The following BIN1 variants were observed in gnomAD, a reference collection of about 807,000 sequenced individuals.
BIN1 encodes bridging integrator 1.
BIN1 carries 53 observed loss-of-function variants against 82.0 expected under a neutral mutation model. That is an observed-to-expected ratio of 0.65 (90% CI 0.52 to 0.81). BIN1 has a LOEUF of 0.81. Ranked by LOEUF, BIN1 falls within the 40% of genes least tolerant of loss-of-function variation. The pLI is 0.00. For missense variants in BIN1, 642 were observed against 784.4 expected, an observed-to-expected ratio of 0.82 and a Z score of 2.17; for synonymous variants, 302 against 328.0, an observed-to-expected ratio of 0.92 and a Z score of 0.86.
rs539408064 is a variant in BIN1 at position 127,057,250 on chromosome 2, T to C, written c.1131+223A>G. On this transcript the variant is annotated intron_variant, in intron 12 of 18. Transcript: ENST00000316724. The surrounding 1 kb of genome is among the most constrained non-coding windows in gnomAD (Gnocchi z 5.0). ...TGCTGCGCCGGGAGAGGCGGCACCT[T>C]CCCCTCTGTGGCCCTGCATCTGGCC... is the stretch of plus-strand genomic sequence containing the variant. Among the ~76,000 whole-genome samples, 1 of 152,288 alleles carries C rather than the reference T, an allele frequency of 6.6e-6. No individual in the cohort carries two copies. Among genetic ancestry groups the C allele is most frequent in the East Asian group, 1.9e-4 (1 of 5,172 alleles).
At chr2:127,054,403 T>C in intron 12 of BIN1, 1 of 295,214 alleles carries the variant, frequency 3.4e-6, no homozygotes, top group Non-Finnish European at 6.6e-6. Flanking sequence ...CCGAACCTCC[T>C]CTCCGCTCCC....
At chr2:127,053,282 G>A in intron 14 of BIN1, 140 bp downstream of exon 14, 1 of 1,265,048 alleles carries the variant, frequency 7.9e-7, no homozygotes, top group Non-Finnish European at 1.1e-6. Context: ...CCCTGTGCGT[G>A]AGCACGTGCC....
At position 127,059,120 on chromosome 2, in the gene BIN1, G is replaced by A. The variant is rs754707833; in HGVS notation, c.893C>T (p.Ser298Leu). 3.0e-5 allele frequency: 47 copies of A among 1,592,320 alleles called. No homozygotes were observed. Among genetic ancestry groups the A allele is most frequent in the Middle Eastern group, 1.6e-4 (1 of 6,066 alleles). ...GGCGGCAGGGGAGCCATCTGGAGGCGAAGGGCTCTTGTTCCCTTTTGCAGG... is the reference window on the plus strand; with the variant it reads ...GGCGGCAGGGGAGCCATCTGGAGGCAAAGGGCTCTTGTTCCCTTTTGCAGG... ...NAPAKGNKSP[S>L]PPDGSPAATP... is the part of the protein sequence containing the mutation. The change falls in exon 11 of 19, where the codon TCG becomes TTG. Residue 298 changes from serine to leucine, a missense_variant. Transcript: ENST00000316724. The surrounding 1 kb of genome is among the most constrained non-coding windows in gnomAD (Gnocchi z 6.7).
chr2:127,096,213 T>G (rs1007345974), intron 1 of BIN1, among the ~76,000 whole-genome samples: 1 of 152,176 alleles, frequency 6.6e-6, no homozygotes, highest in Non-Finnish European at 1.5e-5. Flanking sequence ...AGCTGACTTC[T>G]GTCCTGGGAA....
rs1295753728 is a variant in BIN1 at position 127,068,525 on chromosome 2, C to T, written c.520-270G>A. On this transcript the variant is annotated intron_variant, in intron 6 of 18. Coordinates refer to ENST00000316724, the MANE Select transcript of BIN1 (RefSeq NM_139343.3). This position sits in a 1 kb window ranked among gnomAD's most constrained non-coding sequence, Gnocchi z 4.9. ...CCCTGCCCGGAGGACGGGGCCACCC[C>T]AGCCCCTCACCAAAGGATGAGTGGG... 6.6e-6 allele frequency among the ~76,000 whole-genome samples: 1 copy of T among 152,178 alleles called. No individual in the cohort carries two copies. The highest frequency in any genetic ancestry group is 1.5e-5 in the Non-Finnish European group (1 of 68,016).
intron 1 of BIN1, among the ~76,000 whole-genome samples, chr2:127,086,100 G>A (rs571501173): frequency 4.6e-5 from 7 of 152,152 alleles, no homozygotes; most frequent in East Asian, 1.9e-4. Flanking sequence ...ACCCCCTCCC[G>A]TTGGGTTCAT....
At chr2:127,069,399 C>T (rs1685568518) in intron 5 of BIN1, among the ~76,000 whole-genome samples, 1 of 152,152 alleles carries the variant, frequency 6.6e-6, no homozygotes, top group South Asian at 2.1e-4. Context: ...GAGCATGACA[C>T]CCCCATCCTG....
chr2:127,096,792 C>T (rs1679657520), intron 1 of BIN1, among the ~76,000 whole-genome samples: 2 of 152,238 alleles, frequency 1.3e-5, no homozygotes, highest in African/African-American at 4.8e-5. Flanking sequence ...CTCTCTGTGC[C>T]AGAAGGGCCC....
chr2:127,092,497 G>A (rs939581818), intron 1 of BIN1, among the ~76,000 whole-genome samples: 31 of 152,304 alleles, frequency 2.0e-4, no homozygotes, highest in South Asian at 1.0e-3. Flanking sequence ...TGGCTGCCCC[G>A]TGTGGGAGGC....
chr2:127,048,653 G>C lies in BIN1; in HGVS notation c.1675-20C>G, dbSNP rs765460751. 3.7e-5 allele frequency: 60 copies of C among 1,610,284 alleles called. No individual in the cohort carries two copies. The highest frequency in any genetic ancestry group is 4.8e-5 in the Non-Finnish European group (57 of 1,178,436). On this transcript the variant is annotated intron_variant, in intron 18 of 18. Transcript: ENST00000316724. ...TTCATCCTGAGGGGCAGAGCACCAG[G>C]TCGCACAGGGATGAGCAAGGGGCTC...
intron 1 of BIN1, among the ~76,000 whole-genome samples, chr2:127,086,169 A>AG (rs1252688451): frequency 6.6e-6 from 1 of 152,126 alleles, no homozygotes; most frequent in African/African-American, 2.4e-5. Flanking sequence ...GAAGAAATCG[A>AG]GGGTCAGGGC....
At chr2:127,069,152 G>A (rs534744799) in intron 5 of BIN1, 121 bp from the exon 6 acceptor site, 5 of 900,414 alleles carry the variant, frequency 5.6e-6, no homozygotes, top group African/African-American at 5.0e-5. Context: ...AGGAACCCTT[G>A]AGCCCTTGTT....
chr2:127,058,468 C>A (rs1261381332), intron 11 of BIN1, among the ~76,000 whole-genome samples: 1 of 152,156 alleles, frequency 6.6e-6, no homozygotes, highest in African/African-American at 2.4e-5. Context: ...GGAGGGCCCG[C>A]TGGGGGCAGG....
At position 127,048,293 on chromosome 2, in the gene BIN1, C is replaced by G. The variant is rs1682429876; in HGVS notation, c.*233G>C. ...ACAGGCAGGGGCGCCAGAAACTCAA[C>G]TAGAGGACACAGCAGCTTCAGGAAC... On this transcript the variant is annotated 3_prime_UTR_variant, in exon 19 of 19. Transcript: ENST00000316724. 1.9e-6 allele frequency: 1 copy of G among 534,890 alleles called. No individual in the cohort carries two copies. The highest frequency in any genetic ancestry group is 3.1e-5 in the Admixed American group (1 of 32,028). The allele number at this position is 534,890 out of a possible 1,614,324, so 33.1% of individuals were successfully genotyped here. A position where few individuals can be genotyped will look rare whatever the true frequency, so the allele number is the denominator to read the frequency against.
chr2:127,081,552 C>T (rs1687292016), intron 1 of BIN1, among the ~76,000 whole-genome samples: 1 of 152,172 alleles, frequency 6.6e-6, no homozygotes, highest in Non-Finnish European at 1.5e-5. Flanking sequence ...TAAGCACTTC[C>T]CAAGGCCATC....
intron 1 of BIN1, among the ~76,000 whole-genome samples, chr2:127,085,522 T>A (rs1029133550): frequency 1.3e-5 from 2 of 152,044 alleles, no homozygotes; most frequent in Non-Finnish European, 2.9e-5. Context: ...ATGGCCCTCC[T>A]GGGCACAGTA....
At chr2:127,086,795 C>T (rs1168891443) in intron 1 of BIN1, among the ~76,000 whole-genome samples, 3 of 151,440 alleles carry the variant, frequency 2.0e-5, no homozygotes, top group African/African-American at 2.4e-5. Context: ...CATGAGCCAC[C>T]GCGTCCAGAC....
At position 127,060,741 on chromosome 2, in the gene BIN1, G is replaced by C. The variant is rs773694446; in HGVS notation, c.857+1374C>G. ...TCTTTGCCAACCCTTCTGCTCAGAGGACAAAGGGGCAAAAGCCTCTCCTAA... is the reference window on the plus strand; with the variant it reads ...TCTTTGCCAACCCTTCTGCTCAGAGCACAAAGGGGCAAAAGCCTCTCCTAA... On this transcript the variant is annotated intron_variant, in intron 10 of 18. Coordinates refer to ENST00000316724, the MANE Select transcript of BIN1 (RefSeq NM_139343.3). 2 of 1,466,352 alleles carry C rather than the reference G, an allele frequency of 1.4e-6. 1 individual carries two copies. Among genetic ancestry groups the C allele is most frequent in the African/African-American group, 2.8e-5 (2 of 71,776 alleles). The allele number at this position is 1,466,352 out of a possible 1,614,324, so 90.8% of individuals were successfully genotyped here.
intron 15 of BIN1, among the ~76,000 whole-genome samples, chr2:127,051,944 C>T (rs1202791753): frequency 6.6e-6 from 1 of 152,186 alleles, no homozygotes; most frequent in African/African-American, 2.4e-5. Flanking sequence ...AAGGTGATGA[C>T]GAAGATTAAA....
Sources: gnomAD v4.1 joint callset for allele counts (sites outside exome capture counted in the v4.1 genomes callset) on GRCh38, gnomAD v4.1.1 for gene constraint, Gnocchi (gnomAD v3.1) non-coding constraint, MANE v1.5 for transcripts, NCBI Gene and HGNC (gene_info 2026-07-23, HGNC 2026-07-21) for gene names.